The following FYB1 variants were observed in gnomAD, a reference collection of about 807,000 sequenced individuals.
FYB1 encodes the protein FYN-binding protein 1.
In FYB1, 41 loss-of-function variants were observed where a neutral mutation model predicts 94.1. That is an observed-to-expected ratio of 0.44 (90% confidence interval 0.34 to 0.57). The LOEUF (loss-of-function observed/expected upper bound fraction) is 0.57. Among genes scored for constraint, FYB1 ranks in the 20% least tolerant of loss-of-function variants. FYB1 has a pLI of 0.02. For missense variants in FYB1, 1,050 were observed against 976.8 expected (o/e 1.07, Z -1.00); for synonymous variants, 367 against 353.2 (o/e 1.04, Z -0.44).
chr5:39,214,265 A>C (rs571895477), intron 1 of FYB1, among the ~76,000 whole-genome samples: 1 of 152,368 alleles, frequency 6.6e-6, no homozygotes, highest in East Asian at 1.9e-4. Context: ...GATTTGGGGA[A>C]ATTGAATGCT....
intron 9 of FYB1, among the ~76,000 whole-genome samples, chr5:39,130,992 A>T (rs1741154547): frequency 6.6e-6 from 1 of 152,186 alleles, no homozygotes; most frequent in Non-Finnish European, 1.5e-5. Context: ...TAGAGCAATT[A>T]TTGTTGCATT....
At chr5:39,124,732 G>C (rs1740463752) in intron 12 of FYB1, among the ~76,000 whole-genome samples, 2 of 152,088 alleles carry the variant, frequency 1.3e-5, no homozygotes, top group African/African-American at 4.8e-5. Flanking sequence ...ATATGACCAT[G>C]TTTCCCAATA....
intron 2 of FYB1, among the ~76,000 whole-genome samples, chr5:39,174,465 C>T (rs923569549): frequency 1.3e-5 from 2 of 152,124 alleles, no homozygotes; most frequent in African/African-American, 4.8e-5. Context: ...ATTTGTGAAG[C>T]CATCTTCCTG....
chr5:39,215,339 A>G (rs988387396), intron 1 of FYB1, among the ~76,000 whole-genome samples: 4 of 152,228 alleles, frequency 2.6e-5, no homozygotes, highest in Admixed American at 2.6e-4. Context: ...TATAAACACA[A>G]CTCTCACTGA....
At chr5:39,258,943 T>G (rs1401094204) in intron 1 of FYB1, among the ~76,000 whole-genome samples, 1 of 152,188 alleles carries the variant, frequency 6.6e-6, no homozygotes, top group Non-Finnish European at 1.5e-5. Context: ...AGGGTCACTC[T>G]GTGAAACCAA....
At chr5:39,110,318 C>A (rs1468015768) in intron 17 of FYB1, 38 bp downstream of exon 17, 5 of 1,397,124 alleles carry the variant, frequency 3.6e-6, no homozygotes, top group African/African-American at 2.9e-5. Context: ...GCACAAAATT[C>A]TTTTCACAAG....
intron 1 of FYB1, among the ~76,000 whole-genome samples, chr5:39,208,167 A>C (rs1419130322): frequency 3.3e-5 from 5 of 152,230 alleles, no homozygotes; most frequent in African/African-American, 1.2e-4. Flanking sequence ...AAAAGAAACA[A>C]AACTTCCATA....
At chr5:39,133,814 C>G (rs149478318) in intron 9 of FYB1, among the ~76,000 whole-genome samples, 5 of 151,474 alleles carry the variant, frequency 3.3e-5, no homozygotes, top group Non-Finnish European at 7.4e-5. Context: ...CAAAAAATAA[C>G]AACAAATATA....
In FYB1 at chr5:39,202,351, G is replaced by C. The variant is rs746443322; in HGVS notation, c.610C>G (p.Leu204Val). The change falls in exon 2 of 19, where the codon CTA (leucine) becomes GTA (valine). Residue 204 changes from leucine to valine, a missense_variant. Leu to Val is a conservative substitution (Grantham distance 32). Transcript: ENST00000512982. ...PKPAFGQKPP[L>V]STENSHEDES... Reference sequence around the variant, plus strand: ...TCTTCATGGGAGTTCTCGGTACTTAGGGGCGGCTTCTGGCCAAAGGCGGGT... The same window carrying C: ...TCTTCATGGGAGTTCTCGGTACTTACGGGCGGCTTCTGGCCAAAGGCGGGT... 6.1e-5 allele frequency: 99 copies of C among 1,613,832 alleles called. No individual in the cohort carries two copies. Among genetic ancestry groups the C allele is most frequent in the Non-Finnish European group, 8.1e-5 (96 of 1,179,880 alleles).
intron 1 of FYB1, among the ~76,000 whole-genome samples, chr5:39,271,776 AG>A (rs1752671168): frequency 6.6e-6 from 1 of 152,232 alleles, no homozygotes; most frequent in Non-Finnish European, 1.5e-5. Flanking sequence ...TATTATAAAG[AG>A]GGATGTGAGG....
intron 2 of FYB1, among the ~76,000 whole-genome samples, chr5:39,197,346 T>A (rs1272994541): frequency 6.6e-6 from 1 of 152,186 alleles, no homozygotes; most frequent in East Asian, 1.9e-4. Flanking sequence ...ATTTTCTAAT[T>A]ATACCATGCA....
chr5:39,262,771 C>G (rs1268436293), intron 1 of FYB1, among the ~76,000 whole-genome samples: 1 of 151,552 alleles, frequency 6.6e-6, no homozygotes, highest in African/African-American at 2.4e-5. Flanking sequence ...GAAAAAAACC[C>G]AATGTAGAGT....
intron 1 of FYB1, among the ~76,000 whole-genome samples, chr5:39,240,953 A>C (rs568224236): frequency 6.6e-6 from 1 of 152,286 alleles, no homozygotes; most frequent in East Asian, 1.9e-4. Context: ...GGATAAGGAA[A>C]ATGTACATAT....
At chr5:39,173,479 T>G (rs1236957866) in intron 2 of FYB1, among the ~76,000 whole-genome samples, 6 of 152,164 alleles carry the variant, frequency 3.9e-5, no homozygotes, top group African/African-American at 1.4e-4. Context: ...GCAATTGCTT[T>G]TGGGGACTTA....
chr5:39,271,390 T>C (rs1251452410), intron 1 of FYB1, among the ~76,000 whole-genome samples: 1 of 152,218 alleles, frequency 6.6e-6, no homozygotes, highest in East Asian at 1.9e-4. Flanking sequence ...ATATACAGAT[T>C]TGGCCCCTTT....
upstream of FYB1, among the ~76,000 whole-genome samples, chr5:39,221,189 G>A (rs889209848): frequency 6.6e-6 from 1 of 152,118 alleles, no homozygotes; most frequent in Non-Finnish European, 1.5e-5. Context: ...TCCTAAAAGA[G>A]GGCCCCATCA....
intron 1 of FYB1, among the ~76,000 whole-genome samples, chr5:39,253,000 GT>G (rs1229870489): frequency 1.3e-5 from 2 of 152,172 alleles, no homozygotes; most frequent in African/African-American, 2.4e-5. Flanking sequence ...AAAATACAAA[GT>G]TTAAAAAGTG....
At chr5:39,264,801 T>C (rs572302255) in intron 1 of FYB1, among the ~76,000 whole-genome samples, 14 of 152,102 alleles carry the variant, frequency 9.2e-5, no homozygotes, top group African/African-American at 2.7e-4. Flanking sequence ...GCAGCCAGAG[T>C]AGAGAACTAC....
intron 2 of FYB1, among the ~76,000 whole-genome samples, chr5:39,163,963 T>G (rs1290793198): frequency 2.0e-5 from 3 of 152,198 alleles, no homozygotes; most frequent in Middle Eastern, 3.2e-3. Flanking sequence ...ACACTTTCAA[T>G]TTTTGAGGGA....
Sources: gnomAD v4.1 joint callset for allele counts (sites outside exome capture counted in the v4.1 genomes callset) on GRCh38, gnomAD v4.1.1 for gene constraint, MANE v1.5 for transcripts, NCBI Gene and HGNC (gene_info 2026-07-23, HGNC 2026-07-21) for gene names.